Variants in PTPRM observed in about 807,000 individuals in gnomAD.
PTPRM encodes receptor-type tyrosine-protein phosphatase mu.
In PTPRM, 47 loss-of-function variants were observed where a neutral mutation model predicts 186.7. The ratio of observed to expected loss-of-function variants is 0.25; its 90% CI spans 0.20 to 0.32. The LOEUF (loss-of-function observed/expected upper bound fraction) is 0.32, where lower values mean the gene tolerates loss of function less well. PTPRM is among the 10% of genes least tolerant of loss of function. The probability of loss-of-function intolerance (pLI) is 1.00; values close to 1 mark genes in which losing one functional copy is unlikely to be tolerated. For synonymous variants in PTPRM, 668 were observed against 674.9 expected (o/e 0.99, Z 0.16); for missense variants, 1,494 against 1,865.0 (o/e 0.80, Z 3.66).
At chr18:8,350,314 A>G (rs546989525) in intron 23 of PTPRM, among the ~76,000 whole-genome samples, 87 of 152,302 alleles carry the variant, frequency 5.7e-4, no homozygotes, top group African/African-American at 2.0e-3. Context: ...TGAACATGGG[A>G]TGTATGGTAC....
intron 2 of PTPRM, among the ~76,000 whole-genome samples, chr18:7,794,255 A>G (rs922108717): frequency 6.6e-6 from 1 of 152,150 alleles, no homozygotes; most frequent in African/African-American, 2.4e-5. Context: ...CCGCCTATGG[A>G]TGGCTAAACT....
intron 14 of PTPRM, among the ~76,000 whole-genome samples, chr18:8,206,537 C>T (rs1187116507): frequency 2.6e-5 from 4 of 152,082 alleles, no homozygotes; most frequent in African/African-American, 4.8e-5. Context: ...CGTGAACCAC[C>T]GCGCCTGGCC....
chr18:8,070,087 A>T (rs2089368371), intron 8 of PTPRM, 93 bp downstream of exon 8: 1 of 1,168,046 alleles, frequency 8.6e-7, no homozygotes, highest in East Asian at 2.5e-5. Context: ...TGGAAGAAAG[A>T]ACTACTTATT....
chr18:7,760,891 G>T, intron 1 of PTPRM, among the ~76,000 whole-genome samples: 1 of 152,148 alleles, frequency 6.6e-6, no homozygotes. Flanking sequence ...CTGCTTGGTT[G>T]CCTTGTCCAA....
intron 7 of PTPRM, among the ~76,000 whole-genome samples, chr18:7,995,291 C>T (rs775911047): frequency 5.9e-5 from 9 of 152,026 alleles, no homozygotes; most frequent in Non-Finnish European, 1.0e-4. Context: ...TAAAAAGCCT[C>T]CCAACAAAGA....
At chr18:7,991,583 G>C (rs1229166228) in intron 7 of PTPRM, among the ~76,000 whole-genome samples, 1 of 152,184 alleles carries the variant, frequency 6.6e-6, no homozygotes, top group African/African-American at 2.4e-5. Flanking sequence ...TAATTTTCCT[G>C]AATGAAAGGA....
At chr18:8,392,459 CTA>C in intron 31 of PTPRM, among the ~76,000 whole-genome samples, 1 of 152,060 alleles carries the variant, frequency 6.6e-6, no homozygotes, top group East Asian at 1.9e-4. Flanking sequence ...CCCATCTCTA[CTA>C]AAAAAATACA....
intron 4 of PTPRM, among the ~76,000 whole-genome samples, chr18:7,918,161 C>T (rs975218743): frequency 5.3e-5 from 8 of 151,788 alleles, no homozygotes; most frequent in Non-Finnish European, 1.5e-5. Context: ...TAGGATGACT[C>T]CATATTTTGG....
At chr18:8,260,606 A>G (rs72913108) in intron 19 of PTPRM, among the ~76,000 whole-genome samples, 17,705 of 152,160 alleles carry the variant, frequency 0.12, 1,072 homozygotes, top group Middle Eastern at 0.21. Context: ...CCATCTCCCA[A>G]CACTGCCACA....
chr18:8,020,289 G>C (rs1304866153), intron 7 of PTPRM, among the ~76,000 whole-genome samples: 1 of 152,164 alleles, frequency 6.6e-6, no homozygotes, highest in Admixed American at 6.5e-5. Flanking sequence ...AATTATGGCA[G>C]TGGGATGCTC....
intron 7 of PTPRM, among the ~76,000 whole-genome samples, chr18:7,956,227 T>C (rs1362345568): frequency 6.6e-6 from 1 of 152,174 alleles, no homozygotes; most frequent in Non-Finnish European, 1.5e-5. Flanking sequence ...ATTGTTATGG[T>C]GTTAGTTAAT....
chr18:8,243,624 T>C (rs1224397918), intron 14 of PTPRM, among the ~76,000 whole-genome samples: 2 of 152,236 alleles, frequency 1.3e-5, no homozygotes, highest in African/African-American at 4.8e-5. Context: ...TATTTCATTT[T>C]TGCTTGGAAA....
chr18:8,282,686 A>G (rs1601620519), intron 19 of PTPRM, among the ~76,000 whole-genome samples: 1 of 152,120 alleles, frequency 6.6e-6, no homozygotes, highest in East Asian at 1.9e-4. Flanking sequence ...AACAATAACA[A>G]CAACAACAGA....
At chr18:7,596,952 C>A (rs1259455653) in intron 1 of PTPRM, among the ~76,000 whole-genome samples, 1 of 152,048 alleles carries the variant, frequency 6.6e-6, no homozygotes, top group Non-Finnish European at 1.5e-5. Context: ...CTCCCAGGCT[C>A]AAGCGATTCT....
chr18:8,033,169 TAAA>T (rs2086098997), intron 7 of PTPRM, among the ~76,000 whole-genome samples: 1 of 152,148 alleles, frequency 6.6e-6, no homozygotes, highest in Non-Finnish European at 1.5e-5. Flanking sequence ...TATAGGGTCT[TAAA>T]AATCAATTAA....
rs575912896 is a variant in PTPRM at position 8,372,843 on chromosome 18, G to A, written c.3171+1837G>A. On this transcript the variant is annotated intron_variant, in intron 24 of 32. Transcript: ENST00000580170. ...TTTTTCTTTAAAAAAAAATCCAAAA[G>A]CCATCATTTAAACATGGAGTTTTTT... Among the ~76,000 whole-genome samples the A allele has an allele frequency of 2.8e-4, 42 of 151,940 alleles. No individual in the cohort carries two copies. The South Asian group carries it at 8.3e-3, about 30-fold the overall frequency.
chr18:7,993,826 C>T (rs1032758411), intron 7 of PTPRM, among the ~76,000 whole-genome samples: 9 of 151,506 alleles, frequency 5.9e-5, no homozygotes, highest in African/African-American at 1.7e-4. Context: ...TATGAGAAAC[C>T]GAAAGGAATG....
rs534692219 is a variant in PTPRM at position 8,238,656 on chromosome 18, T to G, written c.2301-5402T>G. On this transcript the variant is annotated intron_variant, in intron 14 of 32. Coordinates refer to ENST00000580170, the MANE Select transcript of PTPRM (RefSeq NM_001105244.2). The stretch of plus-strand genomic sequence containing the variant: ...CTCTTCACACTGTTTTGTGTGTTTT[T>G]TTTTTTTTTTTTTTTTTTTTTTTTT... Among the ~76,000 whole-genome samples, 271 of 61,194 alleles carry G rather than the reference T, an allele frequency of 4.4e-3. 1 individual carries two copies. The highest frequency in any genetic ancestry group is 0.015 in the African/African-American group (192 of 12,748). 40.1% of individuals were successfully genotyped at this position (61,194 alleles called of 152,430 possible). A position where few individuals can be genotyped will look rare whatever the true frequency, so the allele number is the denominator to read the frequency against.
At chr18:7,923,292 C>T (rs1217239196) in intron 4 of PTPRM, among the ~76,000 whole-genome samples, 1 of 152,122 alleles carries the variant, frequency 6.6e-6, no homozygotes, top group Admixed American at 6.5e-5. Flanking sequence ...CTGGGAAATC[C>T]ACTGGAGAGA....
Sources: allele counts gnomAD v4.1 joint callset (sites outside exome capture counted in the v4.1 genomes callset), GRCh38; gene constraint gnomAD v4.1.1; transcripts MANE v1.5; gene names NCBI Gene and HGNC (gene_info 2026-07-23, HGNC 2026-07-21).